Variants in FGGY observed in about 807,000 individuals in gnomAD.
FGGY encodes the protein FGGY carbohydrate kinase domain containing.
In FGGY, 72 loss-of-function variants were observed where a neutral mutation model predicts 71.3. That is an observed-to-expected ratio of 1.01 (90% CI 0.84 to 1.23). The LOEUF is 1.23. Among genes scored for constraint, FGGY ranks in the 50% most tolerant of loss-of-function variants. The pLI is 0.00. For synonymous variants in FGGY, 251 were observed against 250.3 expected, an observed-to-expected ratio of 1.00 and a Z score of -0.02; for missense variants, 668 against 682.3, an observed-to-expected ratio of 0.98 and a Z score of 0.23.
chr1:59,352,223 G>T (rs78048975), intron 4 of FGGY, among the ~76,000 whole-genome samples: 3,720 of 152,218 alleles, frequency 0.024, 175 homozygotes, highest in African/African-American at 0.086. Flanking sequence ...ACATTGTAGG[G>T]TTAACAAGGT....
chr1:59,543,335 T>A (rs752848640), intron 7 of FGGY, among the ~76,000 whole-genome samples: 6 of 152,176 alleles, frequency 3.9e-5, no homozygotes, highest in Non-Finnish European at 8.8e-5. Flanking sequence ...CCGTTTCTAG[T>A]CTCCTGGGAG....
chr1:59,410,474 A>G (rs865778904), intron 5 of FGGY, among the ~76,000 whole-genome samples: 8 of 152,212 alleles, frequency 5.3e-5, no homozygotes, highest in Non-Finnish European at 1.2e-4. Context: ...CAATAAAATT[A>G]TGTTCTTTCC....
At chr1:59,689,973 C>G (rs556360962) in intron 14 of FGGY, among the ~76,000 whole-genome samples, 1 of 152,306 alleles carries the variant, frequency 6.6e-6, no homozygotes, top group Admixed American at 6.5e-5. Flanking sequence ...TTGGCCCTTT[C>G]AGTTTCACCT....
intron 10 of FGGY, among the ~76,000 whole-genome samples, chr1:59,631,716 T>G (rs1294064688): frequency 6.6e-6 from 1 of 152,192 alleles, no homozygotes; most frequent in Non-Finnish European, 1.5e-5. Context: ...AGATTGAGTA[T>G]TTTATACTCT....
chr1:59,333,120 T>C (rs2048821497), intron 2 of FGGY, among the ~76,000 whole-genome samples: 1 of 152,322 alleles, frequency 6.6e-6, no homozygotes, highest in South Asian at 2.1e-4. Flanking sequence ...AGGAAGTTCT[T>C]TGGACACCAC....
chr1:59,738,925 A>G (rs997685732), intron 14 of FGGY, among the ~76,000 whole-genome samples: 2 of 152,202 alleles, frequency 1.3e-5, no homozygotes. Flanking sequence ...CTCTGATTTC[A>G]GTACCAGATA....
chr1:59,463,937 T>C (rs1309553438), intron 6 of FGGY, among the ~76,000 whole-genome samples: 2 of 152,134 alleles, frequency 1.3e-5, no homozygotes, highest in Non-Finnish European at 2.9e-5. Flanking sequence ...CACCCCACTG[T>C]CAATATTCCA....
At chr1:59,424,197 C>T (rs960513174) in intron 5 of FGGY, among the ~76,000 whole-genome samples, 5 of 152,324 alleles carry the variant, frequency 3.3e-5, no homozygotes, top group Admixed American at 6.5e-5. Context: ...ATACAGGTGC[C>T]GCCAGAGTGC....
intron 9 of FGGY, among the ~76,000 whole-genome samples, chr1:59,609,169 A>C (rs1347730498): frequency 6.6e-6 from 1 of 152,236 alleles, no homozygotes; most frequent in African/African-American, 2.4e-5. Context: ...AATAACGGCT[A>C]ATTTGAGGGT....
chr1:59,352,196 A>G (rs1397185599), intron 4 of FGGY, among the ~76,000 whole-genome samples: 3 of 152,168 alleles, frequency 2.0e-5, no homozygotes, highest in Non-Finnish European at 2.9e-5. Context: ...GGGGTCTCCT[A>G]TCTTTATAAA....
chr1:59,474,851 C>A (rs1386411736), intron 6 of FGGY, among the ~76,000 whole-genome samples: 1 of 152,202 alleles, frequency 6.6e-6, no homozygotes, highest in Non-Finnish European at 1.5e-5. Context: ...TGACTGTCAT[C>A]TGTAATGAAA....
intron 13 of FGGY, among the ~76,000 whole-genome samples, chr1:59,670,432 T>A (rs1238641036): frequency 2.0e-5 from 3 of 152,224 alleles, no homozygotes; most frequent in Non-Finnish European, 4.4e-5. Context: ...CACATTCGAA[T>A]TTGGGAGATT....
At chr1:59,479,738 G>C (rs1277117945) in intron 6 of FGGY, among the ~76,000 whole-genome samples, 1 of 152,156 alleles carries the variant, frequency 6.6e-6, no homozygotes, top group Non-Finnish European at 1.5e-5. Context: ...AAGATGATTA[G>C]AGAAATCTTG....
At chr1:59,741,091 A>G (rs1045673990) in intron 14 of FGGY, among the ~76,000 whole-genome samples, 7 of 152,222 alleles carry the variant, frequency 4.6e-5, no homozygotes, top group African/African-American at 1.7e-4. Context: ...TGTGTAAATC[A>G]TATTATTTCT....
At chr1:59,425,951 AT>A (rs898721467) in intron 5 of FGGY, among the ~76,000 whole-genome samples, 67 of 151,708 alleles carry the variant, frequency 4.4e-4, no homozygotes, top group East Asian at 5.8e-4. Flanking sequence ...CACAATTCAT[AT>A]TTTTTTTTAA....
At chr1:59,384,548 T>A (rs77320245) in intron 5 of FGGY, among the ~76,000 whole-genome samples, 2,954 of 152,286 alleles carry the variant, frequency 0.019, 103 homozygotes, top group African/African-American at 0.067. Flanking sequence ...GAAAGCTTTT[T>A]AAAGGTATTA....
At chr1:59,375,243 A>T (rs2058460133) in intron 4 of FGGY, among the ~76,000 whole-genome samples, 2 of 139,662 alleles carry the variant, frequency 1.4e-5, no homozygotes, top group African/African-American at 5.3e-5. Flanking sequence ...CTGGCGATAG[A>T]GTGAGACTCC....
chr1:59,354,690 G>T, intron 4 of FGGY, among the ~76,000 whole-genome samples: 1 of 152,152 alleles, frequency 6.6e-6, no homozygotes, highest in Non-Finnish European at 1.5e-5. Context: ...ACTTTGCTGG[G>T]CGCTGGAGAT....
chr1:59,574,046 A>G (rs1012270752), intron 8 of FGGY, among the ~76,000 whole-genome samples: 6 of 152,174 alleles, frequency 3.9e-5, no homozygotes, highest in Non-Finnish European at 8.8e-5. Context: ...AACTCTTTGT[A>G]TTAGTTTCCT....
Sources: gnomAD v4.1 joint callset for allele counts (sites outside exome capture counted in the v4.1 genomes callset) on GRCh38, gnomAD v4.1.1 for gene constraint, MANE v1.5 for transcripts, NCBI Gene and HGNC (gene_info 2026-07-23, HGNC 2026-07-21) for gene names.